ZBTB46: variants seen among roughly 807,000 people sequenced by gnomAD.
The protein encoded by ZBTB46 is zinc finger and BTB domain-containing protein 46.
A neutral mutation model predicts 44.1 loss-of-function variants in ZBTB46; 8 were observed. The ratio of observed to expected loss-of-function variants is 0.18; its 90% CI spans 0.11 to 0.33. The LOEUF (loss-of-function observed/expected upper bound fraction) is 0.33, where lower values mean the gene tolerates loss of function less well. ZBTB46 is among the 10% of genes least tolerant of loss of function. The probability of loss-of-function intolerance (pLI) is 1.00; values close to 1 mark genes in which losing one functional copy is unlikely to be tolerated. For synonymous variants in ZBTB46, 409 were observed against 382.3 expected (o/e 1.07, Z -0.81); for missense variants, 651 against 847.7 (o/e 0.77, Z 2.88).
chr20:63,806,813 C>G (rs113789318), intron 1 of ZBTB46, among the ~76,000 whole-genome samples: 1 of 150,712 alleles, frequency 6.6e-6, no homozygotes, highest in African/African-American at 2.4e-5. Context: ...GATGGAGTCT[C>G]GCTCTGTCGG....
intron 1 of ZBTB46, among the ~76,000 whole-genome samples, chr20:63,828,389 A>C (rs1249765795): frequency 6.6e-6 from 1 of 152,260 alleles, no homozygotes. Context: ...CTGTGGCCTT[A>C]ATAGAGATTT....
intron 3 of ZBTB46, among the ~76,000 whole-genome samples, chr20:63,762,386 G>A (rs1216738419): frequency 9.2e-6 from 1 of 108,692 alleles, no homozygotes; most frequent in Non-Finnish European, 1.9e-5. Flanking sequence ...GGGCACAGTA[G>A]CTCACACCTG....
chr20:63,788,236 C>T (rs1348721187), intron 2 of ZBTB46: 1 of 152,314 alleles, frequency 6.6e-6, no homozygotes, highest in Non-Finnish European at 1.5e-5. Context: ...CCTCAGCCTC[C>T]CAAGTAGCTG....
At chr20:63,783,900 G>C (rs549075317) in intron 2 of ZBTB46, among the ~76,000 whole-genome samples, 1 of 152,336 alleles carries the variant, frequency 6.6e-6, no homozygotes, top group African/African-American at 2.4e-5. Context: ...GGCTGTGAAA[G>C]GTGTTCAGGA....
At chr20:63,771,887 G>A (rs535487397) in intron 3 of ZBTB46, among the ~76,000 whole-genome samples, 5 of 152,218 alleles carry the variant, frequency 3.3e-5, no homozygotes, top group Admixed American at 2.0e-4. Context: ...GTCCCCCGCC[G>A]AGTTCTACAG....
At chr20:63,777,819 C>T (rs1324452143) in intron 2 of ZBTB46, among the ~76,000 whole-genome samples, 2 of 152,170 alleles carry the variant, frequency 1.3e-5, no homozygotes, top group Non-Finnish European at 2.9e-5. Flanking sequence ...CATGAAAAGG[C>T]ATGAAGAACA....
At chr20:63,766,827 C>T (rs1170778295) in intron 3 of ZBTB46, among the ~76,000 whole-genome samples, 1 of 152,178 alleles carries the variant, frequency 6.6e-6, no homozygotes, top group East Asian at 1.9e-4. Context: ...AGATGGGGAC[C>T]GTCCGGAAAG....
intron 3 of ZBTB46, among the ~76,000 whole-genome samples, chr20:63,757,635 C>T (rs2092232818): frequency 2.6e-5 from 4 of 152,166 alleles, no homozygotes. Context: ...CTTTCTCCTT[C>T]CTTTCCAAGA....
intron 1 of ZBTB46, among the ~76,000 whole-genome samples, chr20:63,810,106 G>A (rs11086128): frequency 0.078 from 11,804 of 152,238 alleles, 913 homozygotes; most frequent in East Asian, 0.44. Context: ...GAGGCCTACA[G>A]ATGCCTCTGC....
chr20:63,806,821 C>A (rs1208062078), intron 1 of ZBTB46, among the ~76,000 whole-genome samples: 1 of 151,236 alleles, frequency 6.6e-6, no homozygotes, highest in South Asian at 2.1e-4. Context: ...CTCGCTCTGT[C>A]GGCCAGGATG....
intron 3 of ZBTB46, among the ~76,000 whole-genome samples, chr20:63,754,430 T>A (rs183051533): frequency 4.0e-4 from 61 of 151,836 alleles, no homozygotes; most frequent in South Asian, 6.2e-4. Context: ...AGGAAATGAG[T>A]TTTTCTATTA....
intron 1 of ZBTB46, among the ~76,000 whole-genome samples, chr20:63,796,615 CAGG>C (rs1394176674): frequency 6.6e-6 from 1 of 152,218 alleles, no homozygotes; most frequent in Non-Finnish European, 1.5e-5. Flanking sequence ...CACCTGAGGT[CAGG>C]AGTTCAAGAC....
At chr20:63,806,667 G>A (rs561204394) in intron 1 of ZBTB46, among the ~76,000 whole-genome samples, 25 of 152,070 alleles carry the variant, frequency 1.6e-4, no homozygotes, top group Non-Finnish European at 3.2e-4. Context: ...GGAGTGCAAC[G>A]GTGCGACCTT....
intron 3 of ZBTB46, among the ~76,000 whole-genome samples, chr20:63,759,109 A>C (rs1482071981): frequency 6.6e-6 from 1 of 151,968 alleles, no homozygotes; most frequent in Non-Finnish European, 1.5e-5. Flanking sequence ...TATCTTCTTT[A>C]ATTTCTCCCA....
At chr20:63,829,114 G>GC (rs2092834628) in intron 1 of ZBTB46, among the ~76,000 whole-genome samples, 1 of 152,224 alleles carries the variant, frequency 6.6e-6, no homozygotes, top group Admixed American at 6.5e-5. Flanking sequence ...ACCGTTCACA[G>GC]GGTTTACCTC....
intron 1 of ZBTB46, among the ~76,000 whole-genome samples, chr20:63,799,775 C>T (rs1022127601): frequency 6.6e-6 from 1 of 152,196 alleles, no homozygotes; most frequent in African/African-American, 2.4e-5. Context: ...CCACAGCAAG[C>T]TCCCCCATGA....
chr20:63,789,527 A>T (rs948711970), intron 2 of ZBTB46, among the ~76,000 whole-genome samples: 2 of 152,138 alleles, frequency 1.3e-5, no homozygotes, highest in African/African-American at 4.8e-5. Flanking sequence ...CCCCCGGCTC[A>T]CGTCCCTGTG....
At chr20:63,748,500 C>T (rs2315647) in intron 4 of ZBTB46, among the ~76,000 whole-genome samples, 4 of 152,056 alleles carry the variant, frequency 2.6e-5, no homozygotes, top group African/African-American at 7.2e-5. Context: ...CCCTCGGCCA[C>T]GCCAGCTAGA....
intron 3 of ZBTB46, among the ~76,000 whole-genome samples, chr20:63,768,949 A>G (rs950710013): frequency 1.3e-5 from 2 of 152,202 alleles, no homozygotes; most frequent in East Asian, 1.9e-4. Flanking sequence ...ACATTAAGGG[A>G]AAAAAATTGC....
Sources: gnomAD v4.1 joint callset for allele counts (sites outside exome capture counted in the v4.1 genomes callset) on GRCh38, gnomAD v4.1.1 for gene constraint, MANE v1.5 for transcripts, NCBI Gene and HGNC (gene_info 2026-07-23, HGNC 2026-07-21) for gene names.